Variants in ZNF804A observed in about 807,000 individuals in gnomAD.
ZNF804A encodes the protein zinc finger protein 804A.
ZNF804A carries 2 observed loss-of-function variants against 16.5 expected under a neutral mutation model. The ratio of observed to expected loss-of-function variants is 0.12; its 90% CI spans 0.05 to 0.38. ZNF804A has a LOEUF of 0.38. Ranked by LOEUF, ZNF804A falls within the 10% of genes least tolerant of loss-of-function variation. The pLI is 0.99. For missense variants in ZNF804A, 1,473 were observed against 1,390.7 expected (o/e 1.06, Z -0.94); for synonymous variants, 534 against 489.6 (o/e 1.09, Z -1.20).
chr2:184,637,727 A>T (rs907554614), intron 1 of ZNF804A, among the ~76,000 whole-genome samples: 1 of 152,054 alleles, frequency 6.6e-6, no homozygotes, highest in African/African-American at 2.4e-5. Context: ...CTTAATAATT[A>T]AGCTATTTAT....
intron 1 of ZNF804A, among the ~76,000 whole-genome samples, chr2:184,657,096 C>A (rs1692090367): frequency 6.6e-6 from 1 of 152,132 alleles, no homozygotes; most frequent in Admixed American, 6.5e-5. Context: ...AGATAGAATT[C>A]TTTTTAGTTT....
At chr2:184,904,638 G>T (rs774758615) in intron 2 of ZNF804A, among the ~76,000 whole-genome samples, 3 of 151,972 alleles carry the variant, frequency 2.0e-5, no homozygotes, top group Non-Finnish European at 2.9e-5. Context: ...ACCTATAAAA[G>T]AAGGGTAAAA....
chr2:184,826,749 C>T (rs570616547), intron 1 of ZNF804A, among the ~76,000 whole-genome samples: 6 of 152,134 alleles, frequency 3.9e-5, no homozygotes, highest in Admixed American at 2.0e-4. Flanking sequence ...TGTAAAAACA[C>T]ATTATATTAT....
intron 1 of ZNF804A, among the ~76,000 whole-genome samples, chr2:184,812,530 G>A (rs773974459): frequency 2.0e-4 from 30 of 152,136 alleles, no homozygotes; most frequent in Non-Finnish European, 4.1e-4. Context: ...GAGGAAAAGC[G>A]AGAAGGAGTA....
chr2:184,888,972 C>A (rs1180323942), intron 2 of ZNF804A, among the ~76,000 whole-genome samples: 2 of 151,354 alleles, frequency 1.3e-5, no homozygotes, highest in South Asian at 2.1e-4. Flanking sequence ...GAAAAAAAAA[C>A]GTTTATTTTA....
chr2:184,734,668 A>C (rs1216293821), intron 1 of ZNF804A, among the ~76,000 whole-genome samples: 1 of 152,156 alleles, frequency 6.6e-6, no homozygotes, highest in African/African-American at 2.4e-5. Context: ...TTGTTTATAG[A>C]TGTTCATTTT....
At chr2:184,666,685 A>T (rs532245381) in intron 1 of ZNF804A, among the ~76,000 whole-genome samples, 1 of 152,136 alleles carries the variant, frequency 6.6e-6, no homozygotes, top group East Asian at 1.9e-4. Context: ...CATAAAATAT[A>T]ATTTCTGCTA....
At chr2:184,721,177 T>C (rs544921919) in intron 1 of ZNF804A, among the ~76,000 whole-genome samples, 2 of 152,224 alleles carry the variant, frequency 1.3e-5, no homozygotes, top group Non-Finnish European at 2.9e-5. Flanking sequence ...TTCTGGAAAT[T>C]TGCCTAGGCA....
intron 2 of ZNF804A, among the ~76,000 whole-genome samples, chr2:184,905,780 A>G (rs1014998919): frequency 2.0e-5 from 3 of 152,072 alleles, no homozygotes; most frequent in African/African-American, 4.8e-5. Flanking sequence ...CACCTCTACT[A>G]TTGCTAAATT....
At chr2:184,815,154 G>C (rs927724268) in intron 1 of ZNF804A, among the ~76,000 whole-genome samples, 2 of 151,954 alleles carry the variant, frequency 1.3e-5, no homozygotes, top group African/African-American at 2.4e-5. Flanking sequence ...GAGTGATACA[G>C]TGAAGTTAGT....
chr2:184,758,587 G>A (rs895462702), intron 1 of ZNF804A, among the ~76,000 whole-genome samples: 3 of 151,928 alleles, frequency 2.0e-5, no homozygotes, highest in East Asian at 1.9e-4. Context: ...AAAGTTATAA[G>A]TAATTTATTT....
chr2:184,638,980 A>C (rs1237974597), intron 1 of ZNF804A, among the ~76,000 whole-genome samples: 1 of 151,910 alleles, frequency 6.6e-6, no homozygotes, highest in Non-Finnish European at 1.5e-5. Context: ...TTCTCATCAA[A>C]TCACACTCTT....
intron 1 of ZNF804A, among the ~76,000 whole-genome samples, chr2:184,653,022 C>A: frequency 6.6e-6 from 1 of 151,974 alleles, no homozygotes; most frequent in East Asian, 1.9e-4. Flanking sequence ...CTCAGCCCTT[C>A]GGAACTGTGA....
At chr2:184,600,943 C>A (rs1691034573) in intron 1 of ZNF804A, among the ~76,000 whole-genome samples, 1 of 151,980 alleles carries the variant, frequency 6.6e-6, no homozygotes, top group South Asian at 2.1e-4. Flanking sequence ...GATGAATAAA[C>A]CTAAATATAG....
intron 1 of ZNF804A, among the ~76,000 whole-genome samples, chr2:184,779,443 C>G (rs558990034): frequency 2.0e-5 from 3 of 151,724 alleles, no homozygotes; most frequent in East Asian, 3.9e-4. Flanking sequence ...ATCTTAATCC[C>G]CAGAACCTGT....
At chr2:184,815,924 T>G (rs905368703) in intron 1 of ZNF804A, among the ~76,000 whole-genome samples, 1 of 152,028 alleles carries the variant, frequency 6.6e-6, no homozygotes, top group Non-Finnish European at 1.5e-5. Context: ...TGTGGCCTCT[T>G]GTCAATTTGT....
At chr2:184,918,811 G>A (rs1434847400) in intron 2 of ZNF804A, among the ~76,000 whole-genome samples, 1 of 152,100 alleles carries the variant, frequency 6.6e-6, no homozygotes, top group Non-Finnish European at 1.5e-5. Flanking sequence ...ACCAGTAGGG[G>A]AGGGGTATAT....
At chr2:184,682,441 G>A (rs116329437) in intron 1 of ZNF804A, among the ~76,000 whole-genome samples, 2,870 of 152,198 alleles carry the variant, frequency 0.019, 100 homozygotes, top group African/African-American at 0.065. Context: ...ATCAGCCCTT[G>A]ACATGGGTAG....
intron 1 of ZNF804A, among the ~76,000 whole-genome samples, chr2:184,855,564 T>G (rs1045138700): frequency 1.2e-4 from 18 of 151,608 alleles, no homozygotes; most frequent in Non-Finnish European, 2.4e-4. Flanking sequence ...AGAGTATATA[T>G]AGAGAAAGTA....
Sources: gnomAD v4.1 joint callset for allele counts (sites outside exome capture counted in the v4.1 genomes callset) on GRCh38, gnomAD v4.1.1 for gene constraint, MANE v1.5 for transcripts, NCBI Gene and HGNC (gene_info 2026-07-23, HGNC 2026-07-21) for gene names.